PLPP1: variants seen among roughly 807,000 people sequenced by gnomAD.
PLPP1 encodes lipid phosphate phosphohydrolase 1a.
A neutral mutation model predicts 31.2 loss-of-function variants in PLPP1; 24 were observed. The ratio of observed to expected loss-of-function variants is 0.77; its 90% confidence interval spans 0.56 to 1.08. The LOEUF (loss-of-function observed/expected upper bound fraction) is 1.08, where lower values mean the gene tolerates loss of function less well. Ranked by LOEUF, PLPP1 falls within the 50% of genes least tolerant of loss-of-function variation. The pLI, the probability that PLPP1 is intolerant of heterozygous loss-of-function variation, is 0.00. For synonymous variants in PLPP1, 146 were observed against 126.3 expected (o/e 1.16, Z -1.05); for missense variants, 319 against 342.7 (o/e 0.93, Z 0.55).
At position 55,425,992 on chromosome 5, in the gene PLPP1, G is replaced by A. The variant is rs112232831; in HGVS notation, c.597C>T (p.Arg199=). The A allele has an allele frequency of 1.9e-6, 3 of 1,613,140 alleles. No individual in the cohort carries two copies. The highest frequency in any genetic ancestry group is 3.3e-5 in the Admixed American group (2 of 59,804). ...CAACAAGACCAAATTGCAGTGTGGG[G>A]CGTAAGAGTCTTGCCCAGTCTCCCT... is the stretch of plus-strand genomic sequence containing the variant. ...RMKGDWARLL[R]PTLQFGLVAV... is the part of the protein sequence containing the mutation. The change falls in exon 5 of 6, where the codon CGC becomes CGT. Residue 199 remains arginine, a synonymous_variant. Coordinates refer to ENST00000307259, the MANE Select transcript of PLPP1 (RefSeq NM_003711.4).
chr5:55,448,118 T>TA (rs1249626104), intron 3 of PLPP1, among the ~76,000 whole-genome samples: 17 of 152,338 alleles, frequency 1.1e-4, no homozygotes, highest in African/African-American at 4.1e-4. Context: ...TTAATGAACA[T>TA]AAACTTTTCC....
intron 1 of PLPP1, among the ~76,000 whole-genome samples, chr5:55,495,541 C>G (rs1752987185): frequency 6.6e-6 from 1 of 152,004 alleles, no homozygotes; most frequent in South Asian, 2.1e-4. Flanking sequence ...GCTAAGACAT[C>G]AAGGAGCATG....
intron 2 of PLPP1, among the ~76,000 whole-genome samples, chr5:55,471,077 G>T (rs1423720434): frequency 6.6e-6 from 1 of 151,956 alleles, no homozygotes; most frequent in Non-Finnish European, 1.5e-5. Context: ...CTTCCCAAAA[G>T]AATTGTCTAA....
intron 1 of PLPP1, among the ~76,000 whole-genome samples, chr5:55,502,924 T>C (rs1753177616): frequency 6.6e-6 from 1 of 152,202 alleles, no homozygotes; most frequent in Non-Finnish European, 1.5e-5. Flanking sequence ...TAGCTTCTCT[T>C]TTCAGGCAAT....
chr5:55,510,821 C>T (rs1190469354), intron 1 of PLPP1, among the ~76,000 whole-genome samples: 2 of 152,176 alleles, frequency 1.3e-5, no homozygotes, highest in African/African-American at 4.8e-5. Flanking sequence ...ACTTACCTGT[C>T]TGAGCTCAGT....
At chr5:55,518,106 T>TA (rs981311747) in intron 1 of PLPP1, among the ~76,000 whole-genome samples, 3 of 152,152 alleles carry the variant, frequency 2.0e-5, no homozygotes, top group Admixed American at 6.5e-5. Context: ...GTGCTGGGAT[T>TA]ACAGTCATGG....
chr5:55,511,520 A>G (rs1051965415), intron 1 of PLPP1, among the ~76,000 whole-genome samples: 2 of 152,126 alleles, frequency 1.3e-5, no homozygotes, highest in Admixed American at 1.3e-4. Flanking sequence ...TATGGACATT[A>G]AAAAGCACTG....
intron 1 of PLPP1, among the ~76,000 whole-genome samples, chr5:55,484,232 C>T (rs982808643): frequency 6.6e-6 from 1 of 152,124 alleles, no homozygotes; most frequent in Non-Finnish European, 1.5e-5. Flanking sequence ...CTTTGGCCTG[C>T]CTTAACAAGA....
chr5:55,453,494 A>G (rs1751937100), intron 3 of PLPP1, among the ~76,000 whole-genome samples: 1 of 152,222 alleles, frequency 6.6e-6, no homozygotes. Context: ...AACTTAATGC[A>G]TCTTCCCCAA....
intron 3 of PLPP1, among the ~76,000 whole-genome samples, chr5:55,451,326 A>C (rs1053804918): frequency 6.6e-5 from 10 of 152,146 alleles, no homozygotes; most frequent in Admixed American, 3.9e-4. Flanking sequence ...ACACCAATAA[A>C]AGTGTTTTTA....
rs532157158 is a variant in PLPP1, at chr5:55,477,476, C to T, written c.59-2026G>A. Among the ~76,000 whole-genome samples the T allele has an allele frequency of 1.3e-4, 20 of 150,692 alleles. No homozygotes were observed. The South Asian group carries it at 2.1e-3, about 16-fold the overall frequency. On this transcript the variant is annotated intron_variant, in intron 1 of 5. Coordinates refer to ENST00000307259, the MANE Select transcript of PLPP1 (RefSeq NM_003711.4). ...TGACACAGTCTCGGCTCACTGCACACTCCACTTCCAGGACTCAAGCAATTA... is the reference window on the plus strand; with the variant it reads ...TGACACAGTCTCGGCTCACTGCACATTCCACTTCCAGGACTCAAGCAATTA...
chr5:55,433,272 G>A (rs750136275), intron 4 of PLPP1, among the ~76,000 whole-genome samples: 1 of 150,780 alleles, frequency 6.6e-6, no homozygotes, highest in Non-Finnish European at 1.5e-5. Flanking sequence ...GTTGCAGTGA[G>A]CTGAGATCGT....
intron 1 of PLPP1, among the ~76,000 whole-genome samples, chr5:55,518,045 C>T (rs1753588723): frequency 6.6e-6 from 1 of 152,110 alleles, no homozygotes; most frequent in Non-Finnish European, 1.5e-5. Flanking sequence ...AGGGTTTCAC[C>T]ATGTTGGTCA....
At chr5:55,477,555 A>C (rs1263460753) in intron 1 of PLPP1, among the ~76,000 whole-genome samples, 1 of 151,530 alleles carries the variant, frequency 6.6e-6, no homozygotes, top group African/African-American at 2.4e-5. Context: ...CACCACGCCC[A>C]GCTAATTTTT....
intron 3 of PLPP1, among the ~76,000 whole-genome samples, chr5:55,463,307 C>T (rs1752209542): frequency 6.6e-6 from 1 of 152,046 alleles, no homozygotes; most frequent in Admixed American, 6.6e-5. Flanking sequence ...ACCTATGTAA[C>T]AAACCTGCAT....
intron 1 of PLPP1, among the ~76,000 whole-genome samples, chr5:55,525,703 A>G (rs1046440939): frequency 2.6e-5 from 4 of 152,148 alleles, no homozygotes; most frequent in African/African-American, 9.7e-5. Flanking sequence ...CATTAAACCT[A>G]AACAGCAAGA....
chr5:55,425,762 A>C (rs1298490083), intron 5 of PLPP1, 101 bp downstream of exon 5: 19 of 1,111,354 alleles, frequency 1.7e-5, no homozygotes, highest in Admixed American at 2.8e-5. Flanking sequence ...CCCACTGCAT[A>C]GTCTTCTCCT....
intron 4 of PLPP1, among the ~76,000 whole-genome samples, chr5:55,438,225 T>C (rs892710158): frequency 6.6e-6 from 1 of 152,184 alleles, no homozygotes; most frequent in African/African-American, 2.4e-5. Flanking sequence ...AAATTTGGAA[T>C]CTCTGGCATT....
At chr5:55,426,961 A>G (rs1021398187) in intron 4 of PLPP1, among the ~76,000 whole-genome samples, 1 of 152,132 alleles carries the variant, frequency 6.6e-6, no homozygotes, top group Non-Finnish European at 1.5e-5. Context: ...GTTAAGTTCT[A>G]TGAGTTTTCT....
Sources: allele counts gnomAD v4.1 joint callset (sites outside exome capture counted in the v4.1 genomes callset), GRCh38; gene constraint gnomAD v4.1.1; transcripts MANE v1.5; gene names NCBI Gene and HGNC (gene_info 2026-07-23, HGNC 2026-07-21).